Variants in PHF14 observed in about 807,000 individuals in gnomAD.
PHF14 encodes PHD finger protein 14.
A neutral mutation model predicts 117.9 loss-of-function variants in PHF14; 55 were observed. That is an observed-to-expected ratio of 0.47 (90% CI 0.38 to 0.58). The LOEUF (loss-of-function observed/expected upper bound fraction) is 0.58, where lower values mean the gene tolerates loss of function less well. Among genes scored for constraint, PHF14 ranks in the 20% least tolerant of loss-of-function variants. The pLI, the probability that PHF14 is intolerant of heterozygous loss-of-function variation, is 0.00. For synonymous variants in PHF14, 409 were observed against 368.6 expected, an observed-to-expected ratio of 1.11 and a Z score of -1.26; for missense variants, 978 against 1,122.2, an observed-to-expected ratio of 0.87 and a Z score of 1.84.
At chr7:11,063,240 G>A (rs898663266) in intron 16 of PHF14, 43 of 984,644 alleles carry the variant, frequency 4.4e-5, no homozygotes, top group Non-Finnish European at 5.1e-5. Context: ...TTCATGTAGA[G>A]TGTGTTGGGA....
intron 4 of PHF14, among the ~76,000 whole-genome samples, chr7:10,998,511 A>G (rs1323637215): frequency 5.9e-5 from 9 of 152,220 alleles, no homozygotes; most frequent in African/African-American, 1.9e-4. Flanking sequence ...GAATATAAAG[A>G]GCTCATTAAT....
intron 16 of PHF14, chr7:11,063,740 A>G (rs1223111114): frequency 1.2e-6 from 1 of 840,512 alleles, no homozygotes; most frequent in Non-Finnish European, 1.4e-6. Flanking sequence ...TCAGTTTATG[A>G]TAGATTTCCA....
intron 3 of PHF14, among the ~76,000 whole-genome samples, chr7:10,988,534 G>GTTTTTTTT (rs34658159): frequency 3.4e-5 from 4 of 118,150 alleles, no homozygotes; most frequent in African/African-American, 3.2e-5. Flanking sequence ...TTTCTAGTCT[G>GTTTTTTTT]TTTTTTTTTT....
At chr7:11,143,696 C>CT (rs1788462496) in intron 17 of PHF14, among the ~76,000 whole-genome samples, 1 of 152,032 alleles carries the variant, frequency 6.6e-6, no homozygotes, top group Non-Finnish European at 1.5e-5. Flanking sequence ...TACTAAGCAT[C>CT]TTGTAAGTGT....
At chr7:10,992,700 A>T (rs901653208) in intron 4 of PHF14, among the ~76,000 whole-genome samples, 2 of 152,136 alleles carry the variant, frequency 1.3e-5, no homozygotes, top group African/African-American at 4.8e-5. Flanking sequence ...ATTCTCTTAC[A>T]TAACCACATA....
At chr7:11,153,399 G>T (rs1435592075) in intron 17 of PHF14, among the ~76,000 whole-genome samples, 2 of 152,102 alleles carry the variant, frequency 1.3e-5, no homozygotes, top group Admixed American at 1.3e-4. Flanking sequence ...TTTAGTGGGG[G>T]TAGGGGAAGT....
At chr7:10,999,441 C>G (rs1782779791) in intron 4 of PHF14, among the ~76,000 whole-genome samples, 1 of 152,122 alleles carries the variant, frequency 6.6e-6, no homozygotes, top group African/African-American at 2.4e-5. Context: ...AACTCTTTTA[C>G]TATAGCTTTT....
At chr7:10,985,347 C>T (rs376531837) in intron 3 of PHF14, among the ~76,000 whole-genome samples, 5 of 151,988 alleles carry the variant, frequency 3.3e-5, no homozygotes, top group African/African-American at 1.2e-4. Flanking sequence ...TCAGAAACTA[C>T]TTTGTAGTAG....
Position 10,990,636 on chromosome 7 carries a change from T to C in PHF14, c.901-67T>C, listed in dbSNP as rs931162683. On this transcript the variant is annotated intron_variant, in intron 3 of 17. Coordinates refer to ENST00000634607, the MANE Select transcript of PHF14 (RefSeq NM_001007157.2). Reference sequence around the variant, plus strand: ...AATAATGTTTAAGTAATAAAGAATTTTAGTGATTAAGTTTTTTTTTTACTT... The same window carrying C: ...AATAATGTTTAAGTAATAAAGAATTCTAGTGATTAAGTTTTTTTTTTACTT... 4 of 964,670 alleles carry C rather than the reference T, an allele frequency of 4.1e-6. No individual in the cohort carries two copies. In the African/African-American group the frequency reaches 6.9e-5, roughly 17 times the overall value. The allele number at this position is 964,670 out of a possible 1,614,324, so 59.8% of individuals were successfully genotyped here. A position where few individuals can be genotyped will look rare whatever the true frequency, so the allele number is the denominator to read the frequency against.
intron 10 of PHF14, among the ~76,000 whole-genome samples, chr7:11,038,548 C>G (rs1009575461): frequency 1.3e-5 from 2 of 151,396 alleles, no homozygotes; most frequent in African/African-American, 4.9e-5. Context: ...GTCCCACCTA[C>G]TCGGGAAACT....
intron 16 of PHF14, among the ~76,000 whole-genome samples, chr7:11,080,272 T>A (rs553472345): frequency 2.4e-4 from 36 of 152,082 alleles, no homozygotes; most frequent in African/African-American, 5.8e-4. Context: ...CAATAAAATT[T>A]AAAAAAAACT....
At chr7:11,067,140 A>G (rs1785450442) in intron 16 of PHF14, among the ~76,000 whole-genome samples, 1 of 152,224 alleles carries the variant, frequency 6.6e-6, no homozygotes, top group Non-Finnish European at 1.5e-5. Flanking sequence ...CCCATTAAAA[A>G]TGGGCATAGG....
At chr7:11,047,136 G>A (rs1397850238) in intron 13 of PHF14, among the ~76,000 whole-genome samples, 5 of 150,796 alleles carry the variant, frequency 3.3e-5, no homozygotes, top group Admixed American at 2.7e-4. Context: ...TGGCACAATC[G>A]CAACTCACCG....
At chr7:11,037,422 C>G (rs1051545407) in intron 10 of PHF14, among the ~76,000 whole-genome samples, 2 of 152,146 alleles carry the variant, frequency 1.3e-5, no homozygotes, top group African/African-American at 4.8e-5. Flanking sequence ...CACAAGTAGT[C>G]AAGTCACAGA....
At chr7:11,023,446 G>A (rs1783801244) in intron 6 of PHF14, among the ~76,000 whole-genome samples, 1 of 152,190 alleles carries the variant, frequency 6.6e-6, no homozygotes, top group South Asian at 2.1e-4. Context: ...TGTTATGTGT[G>A]TTCTGACTGC....
In PHF14 at chr7:11,022,918, A is replaced by G; in HGVS notation, c.1256A>G (p.Asp419Gly). ...ALYVPGVAFG[D>G]IDKLRPVTLT... ...TATGTTCCTGGAGTAGCCTTTGGAG[A>G]TATTGACAAATTACGACCAGTAACA... Residue 419 changes from aspartate to glycine, a missense_variant, in exon 6 of 18, where the codon GAT becomes GGT. Asp to Gly is a moderately conservative substitution (Grantham distance 94, BLOSUM62 -1). Coordinates refer to ENST00000634607, the MANE Select transcript of PHF14 (RefSeq NM_001007157.2). 1 of 1,611,380 alleles carries G rather than the reference A, an allele frequency of 6.2e-7. No homozygotes were observed. Among genetic ancestry groups the G allele is most frequent in the Non-Finnish European group, 8.5e-7 (1 of 1,178,282 alleles).
chr7:11,139,622 A>G (rs1209248088), intron 17 of PHF14, among the ~76,000 whole-genome samples: 2 of 152,216 alleles, frequency 1.3e-5, no homozygotes, highest in Non-Finnish European at 2.9e-5. Context: ...TGAAGAATGT[A>G]TCTATTTCAC....
At chr7:11,061,566 A>C (rs899278127) in intron 14 of PHF14, 30 of 316,056 alleles carry the variant, frequency 9.5e-5, no homozygotes, top group South Asian at 1.5e-4. Context: ...TTTATTTAAA[A>C]GTAAAGTACT....
chr7:11,066,781 A>G (rs1000987292), intron 16 of PHF14, among the ~76,000 whole-genome samples: 3 of 152,134 alleles, frequency 2.0e-5, no homozygotes, highest in Admixed American at 6.6e-5. Context: ...TGAGTTATGT[A>G]TTTATTCCTG....
Sources: allele counts gnomAD v4.1 joint callset (sites outside exome capture counted in the v4.1 genomes callset), GRCh38; gene constraint gnomAD v4.1.1; transcripts MANE v1.5; gene names NCBI Gene and HGNC (gene_info 2026-07-23, HGNC 2026-07-21).